Variants in ALK observed in about 807,000 individuals in gnomAD.
ALK encodes the protein ALK receptor tyrosine kinase.
A neutral mutation model predicts 163.1 loss-of-function variants in ALK; 74 were observed. The observed-to-expected ratio is 0.45, with a 90% confidence interval of 0.38 to 0.55. ALK has a LOEUF of 0.55. Among genes scored for constraint, ALK ranks in the 20% least tolerant of loss-of-function variants. The pLI is 0.00. For synonymous variants in ALK, 960 were observed against 843.2 expected, an observed-to-expected ratio of 1.14 and a Z score of -2.40; for missense variants, 2,063 against 2,105.3, an observed-to-expected ratio of 0.98 and a Z score of 0.39.
intron 3 of ALK, among the ~76,000 whole-genome samples, chr2:29,572,300 C>T (rs529259494): frequency 3.9e-5 from 6 of 152,304 alleles, no homozygotes; most frequent in Admixed American, 2.6e-4. Flanking sequence ...TGGAAGGAGA[C>T]GTCAGCGTTG....
At chr2:29,777,685 A>T (rs1432187287) in intron 1 of ALK, among the ~76,000 whole-genome samples, 1 of 152,164 alleles carries the variant, frequency 6.6e-6, no homozygotes, top group East Asian at 1.9e-4. Context: ...CCTACAGATC[A>T]CCTGAGAATC....
chr2:29,469,625 C>A (rs1276907823), intron 4 of ALK, among the ~76,000 whole-genome samples: 1 of 152,160 alleles, frequency 6.6e-6, no homozygotes, highest in Non-Finnish European at 1.5e-5. Context: ...AGTTCCCAGC[C>A]ACAAAGGGTT....
At chr2:29,219,322 G>T (rs1488836634) in intron 23 of ALK, among the ~76,000 whole-genome samples, 1 of 152,148 alleles carries the variant, frequency 6.6e-6, no homozygotes, top group Non-Finnish European at 1.5e-5. Flanking sequence ...ATACTGAGAT[G>T]CGTCACCCAG....
intron 1 of ALK, among the ~76,000 whole-genome samples, chr2:29,895,651 C>A (rs575130702): frequency 6.6e-6 from 1 of 152,196 alleles, no homozygotes; most frequent in Non-Finnish European, 1.5e-5. Context: ...TTATTTTATT[C>A]CTTCTAGATG....
intron 11 of ALK, among the ~76,000 whole-genome samples, chr2:29,269,564 C>T (rs747011907): frequency 1.2e-4 from 18 of 152,172 alleles, no homozygotes; most frequent in Non-Finnish European, 2.2e-4. Flanking sequence ...GGGCGCCGAA[C>T]GTGCTGCGAT....
At chr2:29,384,579 T>A (rs1433585841) in intron 4 of ALK, among the ~76,000 whole-genome samples, 1 of 152,130 alleles carries the variant, frequency 6.6e-6, no homozygotes, top group African/African-American at 2.4e-5. Flanking sequence ...GCTATTAACC[T>A]CTTGAAATAG....
chr2:29,790,462 T>C (rs200143700), intron 1 of ALK, among the ~76,000 whole-genome samples: 1 of 152,188 alleles, frequency 6.6e-6, no homozygotes, highest in East Asian at 1.9e-4. Flanking sequence ...TACTTCCATA[T>C]AACAGAGAAA....
At chr2:29,618,606 C>G (rs1211096317) in intron 3 of ALK, among the ~76,000 whole-genome samples, 1 of 152,170 alleles carries the variant, frequency 6.6e-6, no homozygotes, top group South Asian at 2.1e-4. Context: ...CTCTGATTCT[C>G]TCCTCCCTAA....
intron 3 of ALK, among the ~76,000 whole-genome samples, chr2:29,636,386 A>G (rs1676533077): frequency 1.3e-5 from 2 of 150,916 alleles, no homozygotes; most frequent in South Asian, 4.2e-4. Flanking sequence ...GAAAAGAAAG[A>G]TAAAGAAAAA....
intron 8 of ALK, among the ~76,000 whole-genome samples, chr2:29,314,988 C>A (rs1257995464): frequency 6.6e-6 from 1 of 152,154 alleles, no homozygotes; most frequent in Non-Finnish European, 1.5e-5. Context: ...CAAGCCTTCC[C>A]TCCCCGGTGG....
chr2:29,516,047 T>C (rs1032010436), intron 4 of ALK, among the ~76,000 whole-genome samples: 1 of 152,150 alleles, frequency 6.6e-6, no homozygotes, highest in South Asian at 2.1e-4. Flanking sequence ...GCTCTGACAG[T>C]GACAGTGCTG....
intron 3 of ALK, among the ~76,000 whole-genome samples, chr2:29,579,004 G>A (rs1300074313): frequency 6.6e-6 from 1 of 152,200 alleles, no homozygotes; most frequent in African/African-American, 2.4e-5. Context: ...AATGTCAGCA[G>A]GAGAATGCAC....
intron 8 of ALK, among the ~76,000 whole-genome samples, chr2:29,299,730 C>T (rs1210629116): frequency 6.6e-6 from 1 of 152,082 alleles, no homozygotes; most frequent in Non-Finnish European, 1.5e-5. Flanking sequence ...TGACATAATT[C>T]TTAACCCTTC....
chr2:29,701,192 T>C (rs1257737514), intron 2 of ALK, among the ~76,000 whole-genome samples: 2 of 152,212 alleles, frequency 1.3e-5, no homozygotes, highest in African/African-American at 4.8e-5. Context: ...GACCTCAGAT[T>C]TCCCCAGAAT....
chr2:29,870,756 A>T (rs1312436886), intron 1 of ALK, among the ~76,000 whole-genome samples: 1 of 152,216 alleles, frequency 6.6e-6, no homozygotes, highest in African/African-American at 2.4e-5. Context: ...GGTGTTGGTT[A>T]TCTTAGGGAT....
intron 26 of ALK, among the ~76,000 whole-genome samples, chr2:29,200,524 T>C (rs1334017566): frequency 6.6e-6 from 1 of 151,886 alleles, no homozygotes; most frequent in Non-Finnish European, 1.5e-5. Context: ...CCAATATTTA[T>C]ACTAAAAAAC....
intron 1 of ALK, among the ~76,000 whole-genome samples, chr2:29,802,673 T>G (rs1664514934): frequency 6.6e-6 from 1 of 151,620 alleles, no homozygotes; most frequent in Non-Finnish European, 1.5e-5. Context: ...TATTCAGGAT[T>G]TTTTCTCTAC....
intron 1 of ALK, among the ~76,000 whole-genome samples, chr2:29,909,991 A>AAC (rs1667658912): frequency 1.3e-5 from 2 of 152,006 alleles, no homozygotes; most frequent in Admixed American, 6.5e-5. Flanking sequence ...AAAAAAAAAA[A>AAC]AAAAACAACT....
At chr2:29,580,995 G>A (rs182953590) in intron 3 of ALK, among the ~76,000 whole-genome samples, 6 of 152,326 alleles carry the variant, frequency 3.9e-5, no homozygotes, top group Admixed American at 1.3e-4. Context: ...CACAAGGTCC[G>A]ATCTTCTGCC....
Sources: gnomAD v4.1 joint callset for allele counts (sites outside exome capture counted in the v4.1 genomes callset) on GRCh38, gnomAD v4.1.1 for gene constraint, MANE v1.5 for transcripts, NCBI Gene and HGNC (gene_info 2026-07-23, HGNC 2026-07-21) for gene names.